PLA2G3: variants seen among roughly 807,000 people sequenced by gnomAD.
The protein encoded by PLA2G3 is phospholipase A2 group III.
Under a neutral mutation model 51.3 loss-of-function variants are expected in PLA2G3, and 39 were observed. The ratio of observed to expected loss-of-function variants is 0.76; its 90% CI spans 0.59 to 0.99. The LOEUF is 0.99. PLA2G3 is among the 50% of genes least tolerant of loss of function. The probability of loss-of-function intolerance (pLI) is 0.00; values close to 1 mark genes in which losing one functional copy is unlikely to be tolerated. For missense variants in PLA2G3, 677 were observed against 662.1 expected (o/e 1.02, Z -0.25); for synonymous variants, 293 against 263.1 (o/e 1.11, Z -1.10).
intron 4 of PLA2G3, 56 bp downstream of exon 4, chr22:31,137,654 A>G: frequency 6.7e-7 from 1 of 1,496,888 alleles, no homozygotes; most frequent in Admixed American, 2.2e-5. Flanking sequence ...ACCCCTAAAC[A>G]GAAGCAGGGA....
chr22:31,140,118 G>A lies in PLA2G3; in HGVS notation c.237C>T (p.Leu79=). ...QSCSWEDEPE[L]TAAYGALCAH... is the part of the protein sequence containing the mutation. ...CACAGAGAGCACCGTAGGCTGCGGT[G>A]AGCTCCGGCTCATCCTCCCAGCTAC... is the stretch of plus-strand genomic sequence containing the variant. The change falls in exon 1 of 7, where the codon CTC becomes CTT. Residue 79 remains leucine (L), a synonymous_variant. Transcript: ENST00000215885. 2.5e-6 allele frequency: 4 copies of A among 1,613,144 alleles called. No homozygotes were observed. Among genetic ancestry groups the A allele is most frequent in the South Asian group, 1.1e-5 (1 of 91,084 alleles).
Position 31,139,791 on chromosome 22 carries a change from C to G in PLA2G3, c.514+50G>C, listed in dbSNP as rs139598535. 4.3e-4 allele frequency: 585 copies of G among 1,368,404 alleles called. 4 individuals are homozygous for G. In the African/African-American group the frequency reaches 7.5e-3, roughly 18 times the overall value. 84.8% of individuals were successfully genotyped at this position (1,368,404 alleles called of 1,614,324 possible). On this transcript the variant is annotated intron_variant, in intron 1 of 6. Coordinates refer to ENST00000215885, the MANE Select transcript of PLA2G3 (RefSeq NM_015715.5). ...AGAGTAAGGGCTGGGGCTGAAGAAA[C>G]CTTGCTTCCCCGATCGGACCCCCCA...
chr22:31,135,806 G>A lies in PLA2G3; in HGVS notation c.1447C>T (p.Pro483Ser). The A allele has an allele frequency of 2.5e-6, 4 of 1,614,006 alleles. No homozygotes were observed. Among genetic ancestry groups the A allele is most frequent in the Non-Finnish European group, 3.4e-6 (4 of 1,180,016 alleles). The change falls in exon 7 of 7, where the codon CCC (proline) becomes TCC (serine). Residue 483 changes from proline to serine, a missense_variant. Physicochemically the swap from Pro to Ser is moderately conservative, Grantham distance 74. Coordinates refer to ENST00000215885, the MANE Select transcript of PLA2G3 (RefSeq NM_015715.5). ...QPWPSEPLRGPMSFYNQCLQL... is the reference protein window; with the variant it reads ...QPWPSEPLRGSMSFYNQCLQL... ...AGGCACTGGTTGTAGAATGACATGG[G>A]GCCTCTCAGGGGCTCTGAAGGCCAT...
Position 31,140,274 on chromosome 22 carries a change from G to T in PLA2G3, c.81C>A (p.Tyr27Ter). ...CCTTGGTCAAGTGGCAGGAGGTCCT[G>T]TACCAGCGGAGGGCAGGGGAGCCCC... ...ALGGSPALRW[Y>*]RTSCHLTKAV... is the part of the protein sequence containing the mutation. The change falls in exon 1 of 7, where the codon TAC becomes TAA. Residue 27 changes from tyrosine to a stop codon, truncating the protein, a stop_gained. Transcript: ENST00000215885. LOFTEE classifies it high-confidence loss of function. The T allele has an allele frequency of 1.2e-6, 2 of 1,612,166 alleles. No individual in the cohort carries two copies. Among genetic ancestry groups the T allele is most frequent in the Non-Finnish European group, 1.7e-6 (2 of 1,179,916 alleles).
chr22:31,135,892 A>G lies in PLA2G3; in HGVS notation c.1361T>C (p.Leu454Ser), dbSNP rs1922531092. The change falls in exon 7 of 7, where the codon TTG becomes TCG. Residue 454 changes from leucine (L) to serine (S), a missense_variant. Leu to Ser is a moderately radical substitution (Grantham distance 145). Coordinates refer to ENST00000215885, the MANE Select transcript of PLA2G3 (RefSeq NM_015715.5). ...GTGTCGCCTCTGCTGAAGCCTCCGC[A>G]AGTGCCGGGCTGACACCCTGATGGC... ...PRAIRVSARH[L>S]RRLQQRRHQL... The G allele has an allele frequency of 6.2e-7, 1 of 1,613,618 alleles. No homozygotes were observed. Among genetic ancestry groups the G allele is most frequent in the Admixed American group, 1.7e-5 (1 of 59,996 alleles).
rs1922538547 is a variant in PLA2G3 at position 31,135,993 on chromosome 22, T to A, written c.1317-57A>T. 39 of 1,435,164 alleles carry A rather than the reference T, an allele frequency of 2.7e-5. 2 individuals are homozygous for A. The South Asian group carries it at 4.2e-4, about 15-fold the overall frequency. 88.9% of individuals were successfully genotyped at this position (1,435,164 alleles called of 1,614,324 possible). Reference sequence around the variant, plus strand: ...AGGGCTGACAAGGATCCCACCTTACTCTGCAGACAGTGGGCTGAGGCCCAG... The same window carrying A: ...AGGGCTGACAAGGATCCCACCTTACACTGCAGACAGTGGGCTGAGGCCCAG... On this transcript the variant is annotated intron_variant, in intron 6 of 6. Transcript: ENST00000215885.
At chr22:31,136,022 G>C in intron 6 of PLA2G3, 86 bp from the exon 7 acceptor site, 1 of 1,146,350 alleles carries the variant, frequency 8.7e-7, no homozygotes, top group Non-Finnish European at 1.3e-6. Context: ...GGCCCAGAGA[G>C]AGAGGGGGCT....
In PLA2G3 at chr22:31,135,585, C is replaced by G. The variant is rs562219758; in HGVS notation, c.*138G>C. Reference sequence around the variant, plus strand: ...TCCAGCATTTGGGCCTTGAGATCCCCCCATTCATCCTCTTGATTGTCCACA... The same window carrying G: ...TCCAGCATTTGGGCCTTGAGATCCCGCCATTCATCCTCTTGATTGTCCACA... On this transcript the variant is annotated 3_prime_UTR_variant, in exon 7 of 7. Transcript: ENST00000215885. 1 of 691,834 alleles carries G rather than the reference C, an allele frequency of 1.4e-6. No homozygotes were observed. Among genetic ancestry groups the G allele is most frequent in the Non-Finnish European group, 2.5e-6 (1 of 392,712 alleles). The allele number at this position is 691,834 out of a possible 1,614,324, so 42.9% of individuals were successfully genotyped here. A position where few individuals can be genotyped will look rare whatever the true frequency, so the allele number is the denominator to read the frequency against.
Position 31,136,671 on chromosome 22 carries a change from G to C in PLA2G3, c.1316+12C>G. The C allele has an allele frequency of 6.2e-7, 1 of 1,606,888 alleles. No individual in the cohort carries two copies. Among genetic ancestry groups the C allele is most frequent in the Non-Finnish European group, 8.5e-7 (1 of 1,173,810 alleles). ...AAAACCCCCCATCCCTCCTGGCTCT[G>C]ACATCACTTACTTTTTGCCTTCCAC... On this transcript the variant is annotated intron_variant, in intron 6 of 6. Coordinates refer to ENST00000215885, the MANE Select transcript of PLA2G3 (RefSeq NM_015715.5).
chr22:31,136,919 G>A lies in PLA2G3; in HGVS notation c.1188C>T (p.Asn396=), dbSNP rs150738073. The A allele has an allele frequency of 6.8e-5, 109 of 1,608,984 alleles. No individual in the cohort carries two copies. Among genetic ancestry groups the A allele is most frequent in the Non-Finnish European group, 9.0e-5 (106 of 1,178,220 alleles). ...CAAAGGGGCCTCACCGGCGCGTGCA[G>A]TTGCAGTGGAAGAGGGGCTCTTGGG... The part of the protein sequence containing the change: ...NSAQEPLFHC[N]CTRRLARFLR... The change falls in exon 5 of 7, where the codon AAC becomes AAT. Residue 396 remains asparagine, a synonymous_variant. Coordinates refer to ENST00000215885, the MANE Select transcript of PLA2G3 (RefSeq NM_015715.5).
Position 31,139,954 on chromosome 22 carries a change from G to T in PLA2G3, c.401C>A (p.Ala134Glu). Reference sequence around the variant, plus strand: ...TCCACCAGGGACTCCACTCTGCCCTGCTGCTCGCTTCTTCCTGGCCCCTGC... The same window carrying T: ...TCCACCAGGGACTCCACTCTGCCCTTCTGCTCGCTTCTTCCTGGCCCCTGC... ...SPAGARKKRA[A>E]GQSGVPGGGH... Residue 134 changes from alanine to glutamate, a missense_variant, in exon 1 of 7, where the codon GCA becomes GAA. Transcript: ENST00000215885. 1 of 1,613,924 alleles carries T rather than the reference G, an allele frequency of 6.2e-7. No homozygotes were observed. Among genetic ancestry groups the T allele is most frequent in the South Asian group, 1.1e-5 (1 of 91,066 alleles).
intron 1 of PLA2G3, among the ~76,000 whole-genome samples, chr22:31,139,636 A>G (rs879324527): frequency 5.9e-5 from 9 of 152,142 alleles, no homozygotes; most frequent in Non-Finnish European, 1.3e-4. Flanking sequence ...CCAGGTTTGA[A>G]TAAGACTTTC....
chr22:31,135,927 T>C lies in PLA2G3; in HGVS notation c.1326A>G (p.Arg442=). Residue 442 remains arginine, a synonymous_variant, in exon 7 of 7, where the codon AGA becomes AGG. Transcript: ENST00000215885. ...LDCVEGKNCS[R]DPRAIRVSAR... ...CTGACACCCTGATGGCCCTAGGGTC[T>C]CTGGAACAGCTGTAAGGAGAGAAGA... 6.2e-7 allele frequency: 1 copy of C among 1,613,266 alleles called. No homozygotes were observed. Among genetic ancestry groups the C allele is most frequent in the Non-Finnish European group, 8.5e-7 (1 of 1,179,854 alleles).
In PLA2G3 at chr22:31,139,439, G is replaced by A. The variant is rs1190219832; in HGVS notation, c.514+402C>T. On this transcript the variant is annotated intron_variant, in intron 1 of 6. Coordinates refer to ENST00000215885, the MANE Select transcript of PLA2G3 (RefSeq NM_015715.5). ...AGGTGAGGAAATAAGTCCAGAGAGG[G>A]GAAGTGACTTGCTCAGCTTGTATGT... Among the ~76,000 whole-genome samples the A allele has an allele frequency of 2.0e-5, 3 of 152,174 alleles. No homozygotes were observed. In the East Asian group the frequency reaches 5.8e-4, roughly 29 times the overall value.
Position 31,139,881 on chromosome 22 carries a change from C to A in PLA2G3, c.474G>T (p.Trp158Cys). The change falls in exon 1 of 7, where the codon TGG becomes TGT. Residue 158 changes from tryptophan (W) to cysteine (C), a missense_variant. Coordinates refer to ENST00000215885, the MANE Select transcript of PLA2G3 (RefSeq NM_015715.5). ...TCCCAGCAGAATCTCCAACTCCACA[C>A]CACAGTGTGCCAGGCATGGTCCATC... The part of the protein sequence containing the change: ...KRGWTMPGTL[W>C]CGVGDSAGNS... 1 of 1,613,942 alleles carries A rather than the reference C, an allele frequency of 6.2e-7. No homozygotes were observed. Among genetic ancestry groups the A allele is most frequent in the Non-Finnish European group, 8.5e-7 (1 of 1,179,986 alleles).
chr22:31,138,839 G>T, intron 1 of PLA2G3, 40 bp from the exon 2 acceptor site: 1 of 1,610,432 alleles, frequency 6.2e-7, no homozygotes, highest in Non-Finnish European at 8.5e-7. Context: ...ACTCAGCAGG[G>T]TCCTAGGCAT....
Position 31,138,322 on chromosome 22 carries a change from C to A in PLA2G3, c.736G>T (p.Val246Leu). The A allele has an allele frequency of 6.2e-7, 1 of 1,613,906 alleles. No individual in the cohort carries two copies. Among genetic ancestry groups the A allele is most frequent in the Non-Finnish European group, 8.5e-7 (1 of 1,179,960 alleles). The change falls in exon 3 of 7, where the codon GTG becomes TTG. Residue 246 changes from valine (V) to leucine (L), a missense_variant. By Grantham distance (32) the Val-to-Leu change is conservative. Coordinates refer to ENST00000215885, the MANE Select transcript of PLA2G3 (RefSeq NM_015715.5). Reference protein sequence around the residue: ...FFNVLEIPCFVLEEQEACVAW... With the variant: ...FFNVLEIPCFLLEEQEACVAW... Reference sequence around the variant, plus strand: ...ACACACGCCTCCTGCTCCTCCAGCACAAAGCAGGGGATCTCCAGCACGTTG... The same window carrying A: ...ACACACGCCTCCTGCTCCTCCAGCAAAAAGCAGGGGATCTCCAGCACGTTG...
chr22:31,138,141 G>A (rs2232179), intron 3 of PLA2G3, 135 bp downstream of exon 3: 63,780 of 1,332,338 alleles, frequency 0.048, 1,884 homozygotes, highest in Admixed American at 0.14. Flanking sequence ...TCTGCATCCC[G>A]GGCCCTCAGG....
chr22:31,139,138 G>C (rs1384439622), intron 1 of PLA2G3, among the ~76,000 whole-genome samples: 1 of 152,154 alleles, frequency 6.6e-6, no homozygotes, highest in Non-Finnish European at 1.5e-5. Context: ...TTATGAATGT[G>C]TGTATGATGG....
Sources: allele counts gnomAD v4.1 joint callset (sites outside exome capture counted in the v4.1 genomes callset), GRCh38; gene constraint gnomAD v4.1.1; transcripts MANE v1.5; gene names NCBI Gene and HGNC (gene_info 2026-07-23, HGNC 2026-07-21).